The following RARB variants were observed in gnomAD, a reference collection of about 807,000 sequenced individuals.
RARB encodes the protein retinoic acid receptor beta.
In RARB, 17 loss-of-function variants were observed where a neutral mutation model predicts 51.9. That is an observed-to-expected ratio of 0.33 (90% CI 0.22 to 0.49). RARB has a LOEUF of 0.49. RARB is among the 20% of genes least tolerant of loss of function. The pLI is 0.99. For missense variants in RARB, 369 were observed against 550.8 expected (o/e 0.67, Z 3.30); for synonymous variants, 215 against 195.4 (o/e 1.10, Z -0.84).
At chr3:24,925,993 CAG>C (rs1207221838) in intron 2 of RARB, among the ~76,000 whole-genome samples, 1 of 152,112 alleles carries the variant, frequency 6.6e-6, no homozygotes, top group African/African-American at 2.4e-5. Flanking sequence ...CTGTCTGTAA[CAG>C]AAGCACACAG....
intron 2 of RARB, among the ~76,000 whole-genome samples, chr3:24,946,451 G>A (rs1020653202): frequency 4.0e-5 from 6 of 151,614 alleles, no homozygotes; most frequent in Non-Finnish European, 7.4e-5. Context: ...AATGAAGAGT[G>A]CTGTTCTTTC....
At chr3:25,023,468 G>T (rs1490601180) in intron 2 of RARB, among the ~76,000 whole-genome samples, 2 of 150,792 alleles carry the variant, frequency 1.3e-5, no homozygotes, top group Non-Finnish European at 2.9e-5. Flanking sequence ...CTCAGTATGT[G>T]TTTATGAGCA....
chr3:25,204,594 T>C (rs1701484296), intron 5 of RARB, among the ~76,000 whole-genome samples: 1 of 152,186 alleles, frequency 6.6e-6, no homozygotes, highest in Admixed American at 6.5e-5. Context: ...GATGTACAGA[T>C]TGGGTTTTGG....
intron 5 of RARB, among the ~76,000 whole-genome samples, chr3:25,401,584 A>G (rs1707264437): frequency 6.6e-6 from 1 of 152,212 alleles, no homozygotes; most frequent in Non-Finnish European, 1.5e-5. Flanking sequence ...TTATTAAAGA[A>G]TCAAATAGAA....
intron 2 of RARB, among the ~76,000 whole-genome samples, chr3:25,042,209 T>C (rs968997341): frequency 6.6e-6 from 1 of 152,198 alleles, no homozygotes; most frequent in Non-Finnish European, 1.5e-5. Flanking sequence ...CCGTAGCTAT[T>C]TTTACTATTT....
intron 2 of RARB, among the ~76,000 whole-genome samples, chr3:25,474,629 G>T (rs1467865013): frequency 1.3e-5 from 2 of 152,116 alleles, no homozygotes; most frequent in Admixed American, 1.3e-4. Context: ...CATCAAAAAC[G>T]TTATGCTGAA....
At chr3:24,881,475 C>A (rs1703165021) in intron 2 of RARB, among the ~76,000 whole-genome samples, 1 of 152,080 alleles carries the variant, frequency 6.6e-6, no homozygotes, top group African/African-American at 2.4e-5. Context: ...CAAGGGTTTC[C>A]AGGTTGAGTG....
intron 2 of RARB, among the ~76,000 whole-genome samples, chr3:24,890,895 T>G (rs1393579613): frequency 6.6e-6 from 1 of 152,156 alleles, no homozygotes; most frequent in Non-Finnish European, 1.5e-5. Flanking sequence ...AGCTGTGTGA[T>G]CTTGGGCAAA....
chr3:25,441,581 C>G (rs1708687937), intron 1 of RARB: 1 of 153,460 alleles, frequency 6.5e-6, no homozygotes. Context: ...TCGCCCAGAG[C>G]TCGGCGAACT....
intron 2 of RARB, among the ~76,000 whole-genome samples, chr3:24,970,051 G>A (rs1293181275): frequency 1.3e-5 from 2 of 152,024 alleles, no homozygotes; most frequent in Non-Finnish European, 2.9e-5. Flanking sequence ...ACATATTTTA[G>A]GCTGTGTGGG....
chr3:25,390,768 A>C (rs1706929839), intron 5 of RARB, among the ~76,000 whole-genome samples: 1 of 152,134 alleles, frequency 6.6e-6, no homozygotes, highest in Admixed American at 6.6e-5. Flanking sequence ...TAAACTTTCA[A>C]CCTGCTTGCT....
At chr3:24,946,555 T>TA (rs1328261465) in intron 2 of RARB, among the ~76,000 whole-genome samples, 2 of 151,964 alleles carry the variant, frequency 1.3e-5, no homozygotes, top group African/African-American at 4.8e-5. Flanking sequence ...CCTAGAGTTC[T>TA]AAAAAATGAT....
intron 5 of RARB, among the ~76,000 whole-genome samples, chr3:25,218,077 A>T (rs962255888): frequency 2.0e-5 from 3 of 152,130 alleles, no homozygotes; most frequent in African/African-American, 7.2e-5. Flanking sequence ...TTGTTTTCTG[A>T]ATAAAGTTAA....
Position 25,521,900 on chromosome 3 carries a change from C to T in RARB, c.448+20577C>T, listed in dbSNP as rs572023157. On this transcript the variant is annotated intron_variant, in intron 3 of 7. Transcript: ENST00000330688. ...GACATAATTACAGTGAAACCTAATT[C>T]GTACTGTGCTCTGCTCCAAATACAG... Among the ~76,000 whole-genome samples, 256 of 152,112 alleles carry T rather than the reference C, an allele frequency of 1.7e-3. 2 individuals carry two copies. The highest frequency in any genetic ancestry group is 6.0e-3 in the African/African-American group (247 of 41,496).
chr3:25,559,118 C>T (rs1292299484), intron 3 of RARB, among the ~76,000 whole-genome samples: 1 of 152,130 alleles, frequency 6.6e-6, no homozygotes, highest in Non-Finnish European at 1.5e-5. Context: ...CCACCGCAAA[C>T]CTAAATTCCA....
intron 2 of RARB, among the ~76,000 whole-genome samples, chr3:25,035,538 C>T (rs1459092524): frequency 6.7e-6 from 1 of 149,800 alleles, no homozygotes; most frequent in African/African-American, 2.5e-5. Flanking sequence ...GGAAGTGATG[C>T]AGCCAACATT....
intron 5 of RARB, among the ~76,000 whole-genome samples, chr3:25,417,777 G>C (rs200710752): frequency 6.6e-6 from 1 of 152,194 alleles, no homozygotes; most frequent in Non-Finnish European, 1.5e-5. Flanking sequence ...AAATTAGAGA[G>C]TTGATTAATT....
chr3:25,489,171 ATGT>A (rs1696606597), intron 2 of RARB, among the ~76,000 whole-genome samples: 1 of 152,216 alleles, frequency 6.6e-6, no homozygotes, highest in Non-Finnish European at 1.5e-5. Context: ...AGACAAGTTC[ATGT>A]TGTTTAAAAG....
intron 2 of RARB, among the ~76,000 whole-genome samples, chr3:25,038,228 A>G (rs529547274): frequency 6.6e-6 from 1 of 152,326 alleles, no homozygotes; most frequent in African/African-American, 2.4e-5. Context: ...TACTTGGTAA[A>G]TTGAACCTCT....
Sources: allele counts gnomAD v4.1 joint callset (sites outside exome capture counted in the v4.1 genomes callset), GRCh38; gene constraint gnomAD v4.1.1; transcripts MANE v1.5; gene names NCBI Gene and HGNC (gene_info 2026-07-23, HGNC 2026-07-21).